SRGAP2C: variants seen among roughly 807,000 people sequenced by gnomAD.
SRGAP2C encodes the protein SLIT-ROBO Rho GTPase activating protein 2C, also known as SLIT-ROBO Rho GTPase-activating protein 2C.
A neutral mutation model predicts 25.1 loss-of-function variants in SRGAP2C; 15 were observed. The ratio of observed to expected loss-of-function variants is 0.60; its 90% CI spans 0.40 to 0.92. The LOEUF is 0.92. Ranked by LOEUF, SRGAP2C falls within the 40% of genes least tolerant of loss-of-function variation. SRGAP2C has a pLI of 0.00. For missense variants in SRGAP2C, 144 were observed against 264.4 expected, an observed-to-expected ratio of 0.54 and a Z score of 3.16; for synonymous variants, 44 against 96.6, an observed-to-expected ratio of 0.46 and a Z score of 3.19.
chr1:121,304,996 G>A (rs1657795863), intron 3 of SRGAP2C, among the ~76,000 whole-genome samples: 2 of 152,084 alleles, frequency 1.3e-5, no homozygotes, highest in Non-Finnish European at 2.9e-5. Flanking sequence ...GTTAAGTCAG[G>A]GCTTTAGCAG....
At chr1:121,304,070 G>C (rs1657763766) in intron 3 of SRGAP2C, among the ~76,000 whole-genome samples, 1 of 151,892 alleles carries the variant, frequency 6.6e-6, no homozygotes, top group African/African-American at 2.4e-5. Flanking sequence ...AATTAGCCGG[G>C]CATGGTGGCA....
At chr1:121,357,093 C>A (rs1478853081) in intron 4 of SRGAP2C, among the ~76,000 whole-genome samples, 1 of 127,258 alleles carries the variant, frequency 7.9e-6, no homozygotes. Context: ...AGGGTAGGAG[C>A]TGAGTCCATG....
intron 2 of SRGAP2C, among the ~76,000 whole-genome samples, chr1:121,228,194 A>T (rs1313516947): frequency 1.0e-5 from 1 of 98,074 alleles, no homozygotes; most frequent in Non-Finnish European, 2.0e-5. Context: ...AGCTGGGACA[A>T]AGGACCGGGT....
At chr1:121,223,192 T>G (rs1655576141) in intron 2 of SRGAP2C, among the ~76,000 whole-genome samples, 1 of 148,012 alleles carries the variant, frequency 6.8e-6, no homozygotes, top group African/African-American at 2.5e-5. Context: ...GGGAAAGTCT[T>G]CTCGAACCTA....
At chr1:121,233,059 C>T (rs1553327810) in intron 2 of SRGAP2C, among the ~76,000 whole-genome samples, 1 of 117,726 alleles carries the variant, frequency 8.5e-6, no homozygotes, top group East Asian at 2.6e-4. Context: ...CACTGTCACT[C>T]ATGGGAGCCC....
chr1:121,305,115 C>G (rs1199231653), intron 3 of SRGAP2C, among the ~76,000 whole-genome samples: 1 of 148,300 alleles, frequency 6.7e-6, no homozygotes, highest in Non-Finnish European at 1.5e-5. Context: ...TGGATTGAGA[C>G]CCTTGCCAGT....
At chr1:121,363,929 T>C (rs1252775814) in intron 4 of SRGAP2C, among the ~76,000 whole-genome samples, 2 of 152,128 alleles carry the variant, frequency 1.3e-5, no homozygotes, top group Non-Finnish European at 2.9e-5. Flanking sequence ...TGAGGTTTTC[T>C]AGTTTCCTTA....
Position 121,374,135 on chromosome 1 carries a change from G to T in SRGAP2C, c.651G>T (p.Glu217Asp). 1.8e-6 allele frequency: 1 copy of T among 542,418 alleles called. No homozygotes were observed. The highest frequency in any genetic ancestry group is 1.6e-5 in the South Asian group (1 of 61,774). The allele number at this position is 542,418 out of a possible 1,614,324, so 33.6% of individuals were successfully genotyped here. A position where few individuals can be genotyped will look rare whatever the true frequency, so the allele number is the denominator to read the frequency against. ...CCACGGCCAACGTTCGCATTGAGGAGAAACATGTCCGGAGGAGCTCAGTGA... is the reference window on the plus strand; with the variant it reads ...CCACGGCCAACGTTCGCATTGAGGATAAACATGTCCGGAGGAGCTCAGTGA... ...PDSTANVRIEEKHVRRSSVKK... is the reference protein window; with the variant it reads ...PDSTANVRIEDKHVRRSSVKK... The change falls in exon 6 of 10, where the codon GAG (glutamate) becomes GAT (aspartate). Residue 217 changes from glutamate (E) to aspartate (D), a missense_variant. Around this residue, in one of 5 missense-constraint regions of SRGAP2C, gnomAD observed 26 missense variants for 67.3 expected, o/e 0.39. Transcript: ENST00000367123.
In SRGAP2C at chr1:121,297,461, T is replaced by G. The variant is rs1657621200; in HGVS notation, c.260+12466T>G. On this transcript the variant is annotated intron_variant, in intron 3 of 9. Coordinates refer to ENST00000367123, the MANE Select transcript of SRGAP2C (RefSeq NM_001329984.2). The stretch of plus-strand genomic sequence containing the variant: ...AGCTTGTGACCTTAAGCAAGTCACT[T>G]TACCCCTGTTAGCCTCAATTTCTTA... Among the ~76,000 whole-genome samples, 2 of 89,330 alleles carry G rather than the reference T, an allele frequency of 2.2e-5. 1 individual carries two copies. The highest frequency in any genetic ancestry group is 5.0e-5 in the Non-Finnish European group (2 of 40,234). The allele number at this position is 89,330 out of a possible 152,430, so 58.6% of individuals were successfully genotyped here. A position where few individuals can be genotyped will look rare whatever the true frequency, so the allele number is the denominator to read the frequency against.
intron 4 of SRGAP2C, among the ~76,000 whole-genome samples, chr1:121,350,706 G>A (rs1553345501): frequency 6.6e-6 from 1 of 152,066 alleles, no homozygotes; most frequent in South Asian, 2.1e-4. Flanking sequence ...TCTTACATAT[G>A]ACACCAAAGC....
At chr1:121,286,539 T>C (rs1472228066) in intron 3 of SRGAP2C, among the ~76,000 whole-genome samples, 2 of 151,384 alleles carry the variant, frequency 1.3e-5, no homozygotes, top group South Asian at 2.1e-4. Context: ...ATTACAGGTG[T>C]GAGCCACCAC....
At chr1:121,362,695 T>C (rs1443850507) in intron 4 of SRGAP2C, 7 of 151,568 alleles carry the variant, frequency 4.6e-5, no homozygotes, top group Admixed American at 4.6e-4. Flanking sequence ...TCATGGTCAC[T>C]TCCTGACCCT....
Position 121,272,387 on chromosome 1 carries a change from G to A in SRGAP2C, c.68-12416G>A, listed in dbSNP as rs1553335412. Among the ~76,000 whole-genome samples the A allele has an allele frequency of 5.3e-5, 8 of 151,576 alleles. 1 individual carries two copies. The highest frequency in any genetic ancestry group is 1.0e-4 in the Non-Finnish European group (7 of 67,848). On this transcript the variant is annotated intron_variant, in intron 2 of 9. Coordinates refer to ENST00000367123, the MANE Select transcript of SRGAP2C (RefSeq NM_001329984.2). ...GGTGGAGCTGGCATTTTGAGCCCAG[G>A]CAGTCCAGTTCCAGGGTCAGACTTT...
chr1:121,267,370 T>A, intron 2 of SRGAP2C, among the ~76,000 whole-genome samples: 2 of 151,380 alleles, frequency 1.3e-5, no homozygotes, highest in Middle Eastern at 6.8e-3. Context: ...TTTTGTATTT[T>A]TAGTAGAGAT....
intron 3 of SRGAP2C, chr1:121,315,055 T>A (rs1221308549): frequency 8.6e-6 from 8 of 934,716 alleles, no homozygotes; most frequent in Non-Finnish European, 1.3e-5. Flanking sequence ...AGATTATCCA[T>A]GTTGCTCCCC....
At chr1:121,370,600 C>T (rs1450641361) in intron 5 of SRGAP2C, among the ~76,000 whole-genome samples, 1 of 150,886 alleles carries the variant, frequency 6.6e-6, no homozygotes, top group African/African-American at 2.4e-5. Flanking sequence ...CGCCACCACG[C>T]CCAGTTAATT....
intron 3 of SRGAP2C, among the ~76,000 whole-genome samples, chr1:121,313,650 G>C (rs1245906825): frequency 1.2e-4 from 13 of 112,184 alleles, no homozygotes; most frequent in South Asian, 2.8e-4. Flanking sequence ...GCATTTGCTT[G>C]TCTGTAAAGT....
At chr1:121,374,372 G>A (rs587756794) in intron 6 of SRGAP2C, among the ~76,000 whole-genome samples, 186 bp downstream of exon 6, 6,587 of 151,642 alleles carry the variant, frequency 0.043, 473 homozygotes, top group African/African-American at 0.15. Flanking sequence ...GAAGAACTGG[G>A]CACGTGGGAT....
chr1:121,377,122 A>C (rs1262502896), intron 7 of SRGAP2C, among the ~76,000 whole-genome samples: 1 of 132,060 alleles, frequency 7.6e-6, no homozygotes, highest in Non-Finnish European at 1.7e-5. Context: ...AAAAAAAAAA[A>C]ACGTCTGCTA....
Sources: allele counts gnomAD v4.1 joint callset (sites outside exome capture counted in the v4.1 genomes callset), GRCh38; gene constraint gnomAD v4.1.1; regional missense constraint gnomAD v4.1.1; transcripts MANE v1.5; gene names NCBI Gene and HGNC (gene_info 2026-07-23, HGNC 2026-07-21).